Variants in ATXN7 observed in about 807,000 individuals in gnomAD.
ATXN7 encodes the protein ataxin-7.
Under a neutral mutation model 70.5 loss-of-function variants are expected in ATXN7, and 12 were observed. The observed-to-expected ratio is 0.17, with a 90% CI of 0.11 to 0.28. The LOEUF is 0.28. Ranked by LOEUF, ATXN7 falls within the 10% of genes least tolerant of loss-of-function variation. ATXN7 has a pLI of 1.00. For synonymous variants in ATXN7, 498 were observed against 448.7 expected (o/e 1.11, Z -1.39); for missense variants, 1,256 against 1,131.7 (o/e 1.11, Z -1.58).
chr3:63,945,319 G>A (rs1479207023), intron 4 of ATXN7, among the ~76,000 whole-genome samples: 2 of 152,336 alleles, frequency 1.3e-5, no homozygotes, highest in East Asian at 3.9e-4. Flanking sequence ...TCTCACTGCA[G>A]AACTGCTTTT....
intron 1 of ATXN7, among the ~76,000 whole-genome samples, chr3:63,874,751 A>G (rs1409687611): frequency 1.3e-5 from 2 of 152,162 alleles, no homozygotes; most frequent in East Asian, 3.9e-4. Flanking sequence ...TGGGTAAACT[A>G]ATGTTTGGCC....
intron 2 of ATXN7, among the ~76,000 whole-genome samples, chr3:63,906,441 C>T (rs1024679832): frequency 2.0e-5 from 3 of 152,176 alleles, no homozygotes; most frequent in East Asian, 1.9e-4. Flanking sequence ...GGTTACAACT[C>T]GTCTTATGGT....
intron 5 of ATXN7, among the ~76,000 whole-genome samples, chr3:63,958,969 A>C (rs1330827837): frequency 6.6e-6 from 1 of 152,350 alleles, no homozygotes; most frequent in Non-Finnish European, 1.5e-5. Flanking sequence ...CAAAACTATC[A>C]TTAGTGACAG....
intron 1 of ATXN7, among the ~76,000 whole-genome samples, chr3:63,893,826 C>CATAGA (rs1181734647): frequency 6.6e-6 from 1 of 151,874 alleles, no homozygotes; most frequent in Non-Finnish European, 1.5e-5. Flanking sequence ...AATACAGTAG[C>CATAGA]ACCATTGAAA....
At chr3:63,864,250 G>T (rs1190457188) in intron 1 of ATXN7, among the ~76,000 whole-genome samples, 92 bp downstream of exon 1, 1 of 151,084 alleles carries the variant, frequency 6.6e-6, no homozygotes, top group African/African-American at 2.4e-5. Flanking sequence ...CCCCGGGAAG[G>T]TGACTGCGGC....
In ATXN7 at chr3:63,999,632, C is replaced by G. The variant is rs184480137; in HGVS notation, c.*165C>G. 447 of 1,279,132 alleles carry G rather than the reference C, an allele frequency of 3.5e-4. 1 individual carries two copies. The highest frequency in any genetic ancestry group is 4.5e-4 in the Non-Finnish European group (406 of 898,710). The allele number at this position is 1,279,132 out of a possible 1,614,324, so 79.2% of individuals were successfully genotyped here. On this transcript the variant is annotated 3_prime_UTR_variant, in exon 13 of 13. Transcript: ENST00000674280. ...GGCTGTTGTTTTAACGAGGATTTCC[C>G]TGAAGCTATGTCTCTAGCAGTGAGT...
At chr3:63,921,334 T>C (rs567566085) in intron 4 of ATXN7, among the ~76,000 whole-genome samples, 1 of 152,282 alleles carries the variant, frequency 6.6e-6, no homozygotes, top group African/African-American at 2.4e-5. Context: ...AAAAAGGTAA[T>C]GCTTTTAACC....
chr3:63,910,499 A>T (rs566747983), intron 2 of ATXN7, among the ~76,000 whole-genome samples: 1 of 152,312 alleles, frequency 6.6e-6, no homozygotes, highest in South Asian at 2.1e-4. Context: ...TCATGTAATT[A>T]TTCAGATTTT....
chr3:63,908,315 G>A (rs72880309), intron 2 of ATXN7, among the ~76,000 whole-genome samples: 3,733 of 152,268 alleles, frequency 0.025, 148 homozygotes, highest in African/African-American at 0.082. Flanking sequence ...TTAAGGAAAG[G>A]CATGCCCCTT....
chr3:63,895,523 A>G (rs977879631), intron 1 of ATXN7, among the ~76,000 whole-genome samples: 3 of 152,050 alleles, frequency 2.0e-5, no homozygotes, highest in African/African-American at 7.2e-5. Flanking sequence ...AGTTATCACA[A>G]ATCAGTTCCA....
chr3:63,916,260 T>G (rs1704264319), intron 4 of ATXN7, among the ~76,000 whole-genome samples: 1 of 152,242 alleles, frequency 6.6e-6, no homozygotes. Context: ...GTTGATAACC[T>G]GACTTCTTAA....
intron 5 of ATXN7, among the ~76,000 whole-genome samples, chr3:63,973,188 C>A (rs1434930891): frequency 5.9e-5 from 9 of 152,288 alleles, no homozygotes; most frequent in Non-Finnish European, 1.2e-4. Context: ...AAAGTTCTTG[C>A]CCTTTTCAGG....
chr3:63,867,236 G>A (rs544732480), intron 1 of ATXN7, among the ~76,000 whole-genome samples: 1 of 152,146 alleles, frequency 6.6e-6, no homozygotes, highest in African/African-American at 2.4e-5. Context: ...CTGGAAGAGG[G>A]TCTGTAGTTG....
At chr3:63,993,375 G>A (rs555893044) in intron 11 of ATXN7, among the ~76,000 whole-genome samples, 101 of 150,410 alleles carry the variant, frequency 6.7e-4, no homozygotes, top group South Asian at 3.0e-3. Flanking sequence ...GGGTGAACCC[G>A]GGAGGCAGAG....
intron 4 of ATXN7, among the ~76,000 whole-genome samples, chr3:63,931,964 C>CA (rs2074553666): frequency 1.3e-5 from 2 of 152,156 alleles, no homozygotes; most frequent in Admixed American, 6.5e-5. Flanking sequence ...GTCCTTGCAT[C>CA]ACTTCATGTA....
intron 5 of ATXN7, among the ~76,000 whole-genome samples, chr3:63,976,615 T>C (rs552280755): frequency 1.3e-5 from 2 of 152,266 alleles, no homozygotes; most frequent in African/African-American, 4.8e-5. Context: ...TAAGAGTTAA[T>C]AGGCAAGAAA....
chr3:63,876,651 C>G (rs1702755552), intron 1 of ATXN7, among the ~76,000 whole-genome samples: 1 of 152,112 alleles, frequency 6.6e-6, no homozygotes, highest in Non-Finnish European at 1.5e-5. Flanking sequence ...AATCAGTTGT[C>G]ATAATAAACA....
At chr3:63,884,301 G>A (rs1703013470) in intron 1 of ATXN7, among the ~76,000 whole-genome samples, 2 of 151,950 alleles carry the variant, frequency 1.3e-5, no homozygotes, top group Non-Finnish European at 2.9e-5. Flanking sequence ...ATGATGGGGT[G>A]TGTCAGAGGG....
At chr3:63,936,790 C>G (rs1304429936) in intron 4 of ATXN7, among the ~76,000 whole-genome samples, 2 of 152,184 alleles carry the variant, frequency 1.3e-5, no homozygotes, top group East Asian at 1.9e-4. Context: ...ATAATGATCT[C>G]TCCTTGAATA....
Sources: allele counts gnomAD v4.1 joint callset (sites outside exome capture counted in the v4.1 genomes callset), GRCh38; gene constraint gnomAD v4.1.1; transcripts MANE v1.5; gene names NCBI Gene and HGNC (gene_info 2026-07-23, HGNC 2026-07-21).